The following AGBL1 variants were observed in gnomAD, a reference collection of about 807,000 sequenced individuals.
The protein encoded by AGBL1 is AGBL carboxypeptidase 1.
In AGBL1, 130 loss-of-function variants were observed where a neutral mutation model predicts 118.9. The observed-to-expected ratio is 1.09, with a 90% CI of 0.95 to 1.26. AGBL1 has a LOEUF of 1.26. Among genes scored for constraint, AGBL1 ranks in the 50% most tolerant of loss-of-function variants. The probability of loss-of-function intolerance (pLI) is 0.00; values close to 1 mark genes in which losing one functional copy is unlikely to be tolerated. For missense variants in AGBL1, 1,584 were observed against 1,298.1 expected, an observed-to-expected ratio of 1.22 and a Z score of -3.38; for synonymous variants, 555 against 478.9, an observed-to-expected ratio of 1.16 and a Z score of -2.08.
At chr15:86,506,031 T>C (rs1240582156) in intron 18 of AGBL1, among the ~76,000 whole-genome samples, 1 of 152,084 alleles carries the variant, frequency 6.6e-6, no homozygotes, top group African/African-American at 2.4e-5. Context: ...TTAGTGGTCT[T>C]CTAATGATTA....
At chr15:86,242,354 C>T (rs1055525724) in intron 6 of AGBL1, among the ~76,000 whole-genome samples, 11 of 152,170 alleles carry the variant, frequency 7.2e-5, no homozygotes, top group African/African-American at 1.4e-4. Context: ...TACCAGGCAT[C>T]GAGCCATCTA....
At chr15:86,264,031 T>C (rs1408605748) in intron 10 of AGBL1, among the ~76,000 whole-genome samples, 1 of 152,150 alleles carries the variant, frequency 6.6e-6, no homozygotes, top group Non-Finnish European at 1.5e-5. Context: ...TCAAATACTG[T>C]TTTGCATTGG....
At chr15:86,235,336 C>T (rs573490052) in intron 6 of AGBL1, among the ~76,000 whole-genome samples, 14 of 152,266 alleles carry the variant, frequency 9.2e-5, no homozygotes, top group Admixed American at 4.6e-4. Flanking sequence ...TAAGTGAATG[C>T]GTGCAGATTG....
chr15:86,921,644 A>G (rs2080482943), intron 23 of AGBL1, among the ~76,000 whole-genome samples: 1 of 151,988 alleles, frequency 6.6e-6, no homozygotes, highest in Non-Finnish European at 1.5e-5. Flanking sequence ...AGGAGTCCCT[A>G]CTCCCTCTTG....
intron 22 of AGBL1, among the ~76,000 whole-genome samples, chr15:86,902,536 C>G (rs917257634): frequency 6.6e-6 from 1 of 151,942 alleles, no homozygotes; most frequent in African/African-American, 2.4e-5. Context: ...TTAAAAATTT[C>G]TTTTTATTAT....
intron 22 of AGBL1, among the ~76,000 whole-genome samples, chr15:86,894,045 C>T (rs1348390073): frequency 6.6e-6 from 1 of 152,168 alleles, no homozygotes; most frequent in Non-Finnish European, 1.5e-5. Context: ...TTTGCCCCTA[C>T]ACCATGACTC....
At chr15:86,108,021 A>G (rs1375065976) in intron 1 of AGBL1, among the ~76,000 whole-genome samples, 2 of 152,212 alleles carry the variant, frequency 1.3e-5, no homozygotes, top group African/African-American at 2.4e-5. Context: ...TAAAATCTGT[A>G]CACCATGTGA....
At chr15:86,582,226 T>C (rs892311354) in intron 21 of AGBL1, among the ~76,000 whole-genome samples, 4 of 152,174 alleles carry the variant, frequency 2.6e-5, no homozygotes, top group African/African-American at 9.6e-5. Flanking sequence ...GGTTCACTCT[T>C]TGAGTCTTGG....
chr15:86,090,104 G>A (rs1895923613), intron 1 of AGBL1, among the ~76,000 whole-genome samples: 1 of 152,078 alleles, frequency 6.6e-6, no homozygotes, highest in Non-Finnish European at 1.5e-5. Context: ...AGGAATATAT[G>A]GCTACTTTCC....
chr15:86,679,099 T>G (rs4506860), intron 22 of AGBL1, among the ~76,000 whole-genome samples: 128,275 of 152,024 alleles, frequency 0.84, 54,861 homozygotes, highest in South Asian at 0.92. Context: ...TATAATGAGT[T>G]GTTAGCTGCC....
At chr15:86,645,441 A>G (rs113172755) in intron 21 of AGBL1, among the ~76,000 whole-genome samples, 1 of 152,198 alleles carries the variant, frequency 6.6e-6, no homozygotes, top group African/African-American at 2.4e-5. Context: ...ATTTAATCCT[A>G]ATTTTTAATA....
chr15:86,818,424 A>G (rs1391273543), intron 22 of AGBL1, among the ~76,000 whole-genome samples: 3 of 152,204 alleles, frequency 2.0e-5, no homozygotes, highest in African/African-American at 7.2e-5. Context: ...CAAGGAATCC[A>G]GGTTGCATGC....
intron 18 of AGBL1, among the ~76,000 whole-genome samples, chr15:86,447,704 C>A (rs78305511): frequency 0.041 from 6,170 of 152,226 alleles, 182 homozygotes; most frequent in East Asian, 0.084. Context: ...TCTAATAATA[C>A]TTACTGAGTA....
intron 22 of AGBL1, among the ~76,000 whole-genome samples, chr15:86,713,797 C>T (rs1227156837): frequency 1.3e-5 from 2 of 149,726 alleles, no homozygotes; most frequent in Non-Finnish European, 3.0e-5. Flanking sequence ...TTTTTTTTTT[C>T]CCATGAATCT....
chr15:86,716,150 A>T (rs1024161072), intron 22 of AGBL1, among the ~76,000 whole-genome samples: 19 of 152,232 alleles, frequency 1.2e-4, no homozygotes, highest in Non-Finnish European at 2.4e-4. Flanking sequence ...TATATTTTAA[A>T]GTGTGCTAGG....
At chr15:86,596,181 G>T (rs1373603797) in intron 21 of AGBL1, among the ~76,000 whole-genome samples, 1 of 152,038 alleles carries the variant, frequency 6.6e-6, no homozygotes, top group East Asian at 1.9e-4. Flanking sequence ...GTTGGCGTGT[G>T]CCTGTAGTCC....
At chr15:86,637,567 A>G (rs931335577) in intron 21 of AGBL1, among the ~76,000 whole-genome samples, 1 of 152,190 alleles carries the variant, frequency 6.6e-6, no homozygotes, top group African/African-American at 2.4e-5. Context: ...TTGGAGCTAC[A>G]AAAATATTAT....
At chr15:86,276,026 A>G (rs1008526021) in intron 15 of AGBL1, among the ~76,000 whole-genome samples, 18 of 152,222 alleles carry the variant, frequency 1.2e-4, no homozygotes, top group African/African-American at 4.1e-4. Context: ...TGTCTAGTGC[A>G]TAGTAGGTGT....
rs906391935 is a variant in AGBL1 at position 86,913,369 on chromosome 15, G to A, written c.*6075G>A. ...AGATGTCAAGATGAAGGCCTTTTGG[G>A]CAGAAGACGGGACTCATCTCTCATT... On this transcript the variant is annotated 3_prime_UTR_variant, in exon 23 of 23. Transcript: ENST00000614907. 1 of 152,194 alleles carries A rather than the reference G, an allele frequency of 6.6e-6. No individual in the cohort carries two copies. The highest frequency in any genetic ancestry group is 2.4e-5 in the African/African-American group (1 of 41,442). The allele number at this position is 152,194 out of a possible 1,614,324, so 9.4% of individuals were successfully genotyped here.
Sources: allele counts gnomAD v4.1 joint callset (sites outside exome capture counted in the v4.1 genomes callset), GRCh38; gene constraint gnomAD v4.1.1; transcripts MANE v1.5; gene names NCBI Gene and HGNC (gene_info 2026-07-23, HGNC 2026-07-21).